Variants in ELMO1 observed in about 807,000 individuals in gnomAD.
ELMO1 encodes the protein engulfment and cell motility 1.
Under a neutral mutation model 98.9 loss-of-function variants are expected in ELMO1, and 26 were observed. That is an observed-to-expected ratio of 0.26 (90% CI 0.19 to 0.36). The LOEUF (loss-of-function observed/expected upper bound fraction) is 0.36, where lower values mean the gene tolerates loss of function less well. Ranked by LOEUF, ELMO1 falls within the 10% of genes least tolerant of loss-of-function variation. The probability of loss-of-function intolerance (pLI) is 1.00; values close to 1 mark genes in which losing one functional copy is unlikely to be tolerated. For synonymous variants in ELMO1, 346 were observed against 346.0 expected, an observed-to-expected ratio of 1.00 and a Z score of 0.00; for missense variants, 627 against 935.2, an observed-to-expected ratio of 0.67 and a Z score of 4.30.
intron 4 of ELMO1, among the ~76,000 whole-genome samples, chr7:37,309,628 G>A (rs1414144588): frequency 1.3e-5 from 2 of 152,216 alleles, no homozygotes; most frequent in Non-Finnish European, 2.9e-5. Flanking sequence ...GCTTTCCTGG[G>A]CGTGAGTTTG....
chr7:37,440,785 C>A (rs1426182054), intron 1 of ELMO1, among the ~76,000 whole-genome samples: 1 of 143,706 alleles, frequency 7.0e-6, no homozygotes, highest in Non-Finnish European at 1.5e-5. Context: ...AAAAAAAAAT[C>A]TAGGAAACTG....
chr7:37,324,645 G>C (rs549130470), intron 2 of ELMO1, among the ~76,000 whole-genome samples: 1 of 152,282 alleles, frequency 6.6e-6, no homozygotes, highest in South Asian at 2.1e-4. Flanking sequence ...GCAGTGTTAT[G>C]ATCTTGACTC....
chr7:37,185,491 G>A (rs1208285317), intron 13 of ELMO1, among the ~76,000 whole-genome samples: 1 of 152,134 alleles, frequency 6.6e-6, no homozygotes, highest in Admixed American at 6.5e-5. Context: ...GGCTTGTAGT[G>A]GGCATGGTAA....
chr7:36,980,760 C>T (rs1790980999), intron 16 of ELMO1, among the ~76,000 whole-genome samples: 1 of 152,168 alleles, frequency 6.6e-6, no homozygotes, highest in Non-Finnish European at 1.5e-5. Context: ...TCACTGAAAT[C>T]CCAAATCACT....
intron 15 of ELMO1, among the ~76,000 whole-genome samples, chr7:37,048,511 C>T (rs576245881): frequency 6.6e-6 from 1 of 152,314 alleles, no homozygotes; most frequent in East Asian, 1.9e-4. Context: ...ACTCTGACTC[C>T]TTGGTACCAG....
chr7:36,881,226 T>G (rs1456734424), intron 18 of ELMO1, among the ~76,000 whole-genome samples: 1 of 152,172 alleles, frequency 6.6e-6, no homozygotes, highest in Non-Finnish European at 1.5e-5. Context: ...ACAGTAAAAC[T>G]GGAGTCCTTA....
At chr7:37,238,767 T>C (rs1448950960) in intron 7 of ELMO1, among the ~76,000 whole-genome samples, 3 of 152,232 alleles carry the variant, frequency 2.0e-5, no homozygotes, top group Non-Finnish European at 4.4e-5. Context: ...CATTAGATTT[T>C]ATGAAATGCT....
intron 2 of ELMO1, among the ~76,000 whole-genome samples, chr7:37,335,211 T>G (rs6960668): frequency 6.6e-6 from 1 of 152,320 alleles, no homozygotes; most frequent in Middle Eastern, 3.4e-3. Flanking sequence ...GACTGCATTA[T>G]AATGCGATCA....
intron 4 of ELMO1, among the ~76,000 whole-genome samples, chr7:37,285,390 G>C (rs543058862): frequency 6.6e-6 from 1 of 152,282 alleles, no homozygotes; most frequent in South Asian, 2.1e-4. Context: ...ATCCTGACTA[G>C]ATGCTGGCTG....
intron 4 of ELMO1, among the ~76,000 whole-genome samples, chr7:37,304,722 A>G (rs775279208): frequency 5.9e-5 from 9 of 152,144 alleles, no homozygotes; most frequent in Non-Finnish European, 1.0e-4. Context: ...TCTCCAAAAA[A>G]ATAGAAAGAA....
intron 1 of ELMO1, among the ~76,000 whole-genome samples, chr7:37,426,142 C>CTTTTTTTTTTTTTTTTT (rs36086006): frequency 9.5e-5 from 8 of 84,594 alleles, no homozygotes; most frequent in Admixed American, 1.6e-4. Flanking sequence ...TTTTTTCTTT[C>CTTTTTTTTTTTTTTTTT]TTTTTTTTTT....
At chr7:37,018,951 G>A (rs1794113395) in intron 15 of ELMO1, among the ~76,000 whole-genome samples, 1 of 152,170 alleles carries the variant, frequency 6.6e-6, no homozygotes, top group South Asian at 2.1e-4. Context: ...CCATAGATAA[G>A]CGGGGGGCGG....
At chr7:36,903,541 A>G (rs1006596372) in intron 16 of ELMO1, among the ~76,000 whole-genome samples, 1 of 152,250 alleles carries the variant, frequency 6.6e-6, no homozygotes, top group African/African-American at 2.4e-5. Context: ...CTCAACATTC[A>G]CTGTATAATA....
chr7:37,147,004 T>C (rs1788030897), intron 13 of ELMO1, among the ~76,000 whole-genome samples: 1 of 151,708 alleles, frequency 6.6e-6, no homozygotes, highest in African/African-American at 2.4e-5. Flanking sequence ...TCTGCAGCTT[T>C]TTTCCCCTTT....
At chr7:37,428,984 T>C (rs1245932484) in intron 1 of ELMO1, among the ~76,000 whole-genome samples, 1 of 152,126 alleles carries the variant, frequency 6.6e-6, no homozygotes, top group Non-Finnish European at 1.5e-5. Context: ...GCAACTCTAT[T>C]TCATCCAGAG....
rs112918807 is a variant in ELMO1 at position 37,313,143 on chromosome 7, C to T, written c.192+1707G>A. On this transcript the variant is annotated intron_variant, in intron 4 of 21. Transcript: ENST00000310758. ...GGGAAAATAGAGACAGGAAACTAAA[C>T]GTTTAAGTCAAAGGAATCAAAGGTA... Among the ~76,000 whole-genome samples the T allele has an allele frequency of 3.1e-4, 47 of 152,246 alleles. 1 individual carries two copies. The highest frequency in any genetic ancestry group is 6.8e-3 in the Middle Eastern group (2 of 294).
At chr7:36,890,540 T>G (rs1328578135) in intron 17 of ELMO1, among the ~76,000 whole-genome samples, 2 of 152,222 alleles carry the variant, frequency 1.3e-5, no homozygotes, top group African/African-American at 4.8e-5. Flanking sequence ...AACCGTGAGT[T>G]CATCCTTGAC....
Position 36,915,529 on chromosome 7 carries a change from C to T in ELMO1, c.1438-20512G>A, listed in dbSNP as rs183577163. Reference sequence around the variant, plus strand: ...TTAGAGATGGATCCACCACAAAGGGCTTTCCAGCCACACACATCTTTTCGG... The same window carrying T: ...TTAGAGATGGATCCACCACAAAGGGTTTTCCAGCCACACACATCTTTTCGG... On this transcript the variant is annotated intron_variant, in intron 16 of 21. Transcript: ENST00000310758. Among the ~76,000 whole-genome samples, 367 of 152,318 alleles carry T rather than the reference C, an allele frequency of 2.4e-3. 2 individuals carry two copies. The highest frequency in any genetic ancestry group is 8.4e-3 in the African/African-American group (348 of 41,568).
intron 15 of ELMO1, among the ~76,000 whole-genome samples, chr7:37,016,013 C>A (rs192928361): frequency 3.3e-5 from 5 of 152,324 alleles, no homozygotes; most frequent in African/African-American, 1.2e-4. Context: ...CGGTTGGTCT[C>A]CCTTTTATAA....
Sources: allele counts gnomAD v4.1 joint callset (sites outside exome capture counted in the v4.1 genomes callset), GRCh38; gene constraint gnomAD v4.1.1; transcripts MANE v1.5; gene names NCBI Gene and HGNC (gene_info 2026-07-23, HGNC 2026-07-21).